The following ADAM12 variants were observed in gnomAD, a reference collection of about 807,000 sequenced individuals.
ADAM12 encodes the protein ADAM metallopeptidase domain 12.
A neutral mutation model predicts 106.4 loss-of-function variants in ADAM12; 70 were observed. That is an observed-to-expected ratio of 0.66 (90% CI 0.54 to 0.80). ADAM12 has a LOEUF of 0.80. ADAM12 is among the 30% of genes least tolerant of loss of function. The probability of loss-of-function intolerance (pLI) is 0.00; values close to 1 mark genes in which losing one functional copy is unlikely to be tolerated. For missense variants in ADAM12, 1,010 were observed against 1,171.9 expected (o/e 0.86, Z 2.02); for synonymous variants, 420 against 433.5 (o/e 0.97, Z 0.39).
chr10:126,161,051 C>T (rs1625669), intron 3 of ADAM12, among the ~76,000 whole-genome samples: 24,332 of 152,222 alleles, frequency 0.16, 2,067 homozygotes, highest in Non-Finnish European at 0.19. Context: ...TAGCCCCCAT[C>T]GCAGTCCTCC....
chr10:126,213,119 G>A (rs1205406119), intron 3 of ADAM12, among the ~76,000 whole-genome samples: 1 of 152,110 alleles, frequency 6.6e-6, no homozygotes, highest in African/African-American at 2.4e-5. Flanking sequence ...CAGATAATAA[G>A]TGCTCAATAA....
intron 3 of ADAM12, among the ~76,000 whole-genome samples, chr10:126,256,238 C>T (rs559473380): frequency 4.6e-5 from 7 of 152,140 alleles, no homozygotes; most frequent in Non-Finnish European, 7.3e-5. Flanking sequence ...TATGAATGAA[C>T]GCTTAGTTTG....
chr10:126,264,673 G>A (rs925878923), intron 3 of ADAM12, among the ~76,000 whole-genome samples: 2 of 152,118 alleles, frequency 1.3e-5, no homozygotes, highest in South Asian at 2.1e-4. Context: ...TGCCAATTAC[G>A]GCGATTTTCC....
rs760239614 is a variant in ADAM12, at chr10:126,121,710, C to G, written c.417-3486G>C. ...GGGACTGTGTAAGGTGTTCCTATGT[C>G]ATTCATTACTGCTTACATATTTGTT... is the stretch of plus-strand genomic sequence containing the variant. On this transcript the variant is annotated intron_variant, in intron 5 of 22. Coordinates refer to ENST00000448723, the MANE Select transcript of ADAM12 (RefSeq NM_001288973.2). Among the ~76,000 whole-genome samples the G allele has an allele frequency of 1.8e-4, 27 of 151,884 alleles. 1 individual carries two copies. In the South Asian group the frequency reaches 2.3e-3, roughly 13 times the overall value.
chr10:126,375,226 G>A (rs1856243958), intron 1 of ADAM12, among the ~76,000 whole-genome samples: 1 of 151,128 alleles, frequency 6.6e-6, no homozygotes, highest in South Asian at 2.1e-4. Context: ...TCCAGAAGTG[G>A]AAGTGGTTTG....
chr10:126,117,977 G>A, intron 6 of ADAM12, 61 bp downstream of exon 6: 1 of 1,558,454 alleles, frequency 6.4e-7, no homozygotes, highest in Non-Finnish European at 8.8e-7. Flanking sequence ...GTCCTAGTGT[G>A]GGGTATCCGT....
chr10:126,275,869 T>C (rs1270933772), intron 3 of ADAM12, among the ~76,000 whole-genome samples: 2 of 152,172 alleles, frequency 1.3e-5, no homozygotes, highest in Admixed American at 6.5e-5. Flanking sequence ...GAAACATTAA[T>C]ACAATAAAGA....
intron 11 of ADAM12, among the ~76,000 whole-genome samples, chr10:126,086,680 A>AAT (rs1210379675): frequency 0.027 from 642 of 24,168 alleles, 32 homozygotes; most frequent in South Asian, 0.038. Context: ...AAAAAAAAAA[A>AAT]ATATATATAT....
At chr10:126,305,453 GA>G (rs1960803085) in intron 2 of ADAM12, among the ~76,000 whole-genome samples, 2 of 152,064 alleles carry the variant, frequency 1.3e-5, no homozygotes, top group Admixed American at 6.5e-5. Flanking sequence ...GTCGTTACTT[GA>G]AGCCAGAGTT....
intron 3 of ADAM12, among the ~76,000 whole-genome samples, chr10:126,191,284 G>C (rs138112351): frequency 6.6e-6 from 1 of 152,030 alleles, no homozygotes; most frequent in Non-Finnish European, 1.5e-5. Flanking sequence ...TTGAGTCACC[G>C]GGCCCAGTCT....
At chr10:126,261,313 G>A (rs182580778) in intron 3 of ADAM12, among the ~76,000 whole-genome samples, 187 of 152,270 alleles carry the variant, frequency 1.2e-3, no homozygotes, top group Admixed American at 2.1e-3. Flanking sequence ...CAACGAACGG[G>A]CTGCATTTCA....
At position 126,138,406 on chromosome 10, in the gene ADAM12, G is replaced by A. The variant is rs547635469; in HGVS notation, c.340-2746C>T. Among the ~76,000 whole-genome samples the A allele has an allele frequency of 2.8e-4, 42 of 151,890 alleles. No individual in the cohort carries two copies. In the South Asian group the frequency reaches 4.6e-3, roughly 17 times the overall value. Reference sequence around the variant, plus strand: ...TTTATTTTTTTTGAGACAGAGCCTCGCTCTGTCACCTAGGCTGGAGTGCAG... The same window carrying A: ...TTTATTTTTTTTGAGACAGAGCCTCACTCTGTCACCTAGGCTGGAGTGCAG... On this transcript the variant is annotated intron_variant, in intron 4 of 22. Coordinates refer to ENST00000448723, the MANE Select transcript of ADAM12 (RefSeq NM_001288973.2).
chr10:126,157,593 G>A (rs36051225), intron 3 of ADAM12, among the ~76,000 whole-genome samples: 6 of 152,168 alleles, frequency 3.9e-5, no homozygotes, highest in South Asian at 2.1e-4. Context: ...ACTTAACAGC[G>A]AGTGTTTGAG....
chr10:126,095,699 C>T (rs1955545612), intron 10 of ADAM12, among the ~76,000 whole-genome samples: 1 of 151,882 alleles, frequency 6.6e-6, no homozygotes, highest in Non-Finnish European at 1.5e-5. Context: ...GTTTGTTTAG[C>T]CCCCTTGCCA....
At chr10:126,312,319 A>C (rs985311638) in intron 2 of ADAM12, among the ~76,000 whole-genome samples, 5 of 151,966 alleles carry the variant, frequency 3.3e-5, no homozygotes, top group African/African-American at 9.7e-5. Flanking sequence ...GGGCCTTCCA[A>C]GCACACCTGC....
At chr10:126,100,253 G>A (rs574634627) in intron 9 of ADAM12, among the ~76,000 whole-genome samples, 2 of 151,966 alleles carry the variant, frequency 1.3e-5, no homozygotes. Flanking sequence ...TATGCTTCCC[G>A]GTATTCTCTG....
At chr10:126,045,164 A>G (rs1174294577) in intron 17 of ADAM12, among the ~76,000 whole-genome samples, 1 of 152,220 alleles carries the variant, frequency 6.6e-6, no homozygotes, top group Non-Finnish European at 1.5e-5. Flanking sequence ...CCCACAGCTC[A>G]GGGCCTGGCT....
At chr10:126,203,953 T>C (rs1420806018) in intron 3 of ADAM12, among the ~76,000 whole-genome samples, 3 of 152,136 alleles carry the variant, frequency 2.0e-5, no homozygotes, top group African/African-American at 7.2e-5. Context: ...TGTGTGTGTG[T>C]GTGTGTGTGA....
intron 3 of ADAM12, among the ~76,000 whole-genome samples, chr10:126,261,855 T>G (rs1225227815): frequency 6.7e-6 from 1 of 149,636 alleles, no homozygotes; most frequent in African/African-American, 2.5e-5. Context: ...CAGGCTGGAG[T>G]GCAGCGGCGC....
Sources: gnomAD v4.1 joint callset for allele counts (sites outside exome capture counted in the v4.1 genomes callset) on GRCh38, gnomAD v4.1.1 for gene constraint, MANE v1.5 for transcripts, NCBI Gene and HGNC (gene_info 2026-07-23, HGNC 2026-07-21) for gene names.